Variants in TMEM181 observed in about 807,000 individuals in gnomAD.
TMEM181 encodes transmembrane protein 181, also known as G protein-coupled receptor 178.
In TMEM181, 39 loss-of-function variants were observed where a neutral mutation model predicts 71.9. The ratio of observed to expected loss-of-function variants is 0.54; its 90% CI spans 0.42 to 0.71. TMEM181 has a LOEUF of 0.71. Among genes scored for constraint, TMEM181 ranks in the 30% least tolerant of loss-of-function variants. TMEM181 has a pLI of 0.00. For missense variants in TMEM181, 595 were observed against 583.0 expected (o/e 1.02, Z -0.21); for synonymous variants, 245 against 228.8 (o/e 1.07, Z -0.64).
chr6:158,550,604 C>T (rs1159757513), intron 1 of TMEM181, among the ~76,000 whole-genome samples: 2 of 151,682 alleles, frequency 1.3e-5, no homozygotes, highest in African/African-American at 4.8e-5. Context: ...TGCAATGAGC[C>T]GAGATGGCGC....
At chr6:158,605,131 AGTGTGTG>A (rs1784877538) in intron 6 of TMEM181, 129 bp from the exon 7 acceptor site, 117 of 159,484 alleles carry the variant, frequency 7.3e-4, no homozygotes, top group Middle Eastern at 4.8e-3. Flanking sequence ...AAAAAAAAAA[AGTGTGTG>A]TGTGTGTGTG....
intron 6 of TMEM181, among the ~76,000 whole-genome samples, chr6:158,590,342 G>A (rs138615003): frequency 3.2e-3 from 488 of 151,176 alleles, no homozygotes; most frequent in African/African-American, 0.011. Context: ...TCATAGAGCT[G>A]TGAATATTAA....
chr6:158,612,775 G>A (rs887585710), intron 10 of TMEM181, among the ~76,000 whole-genome samples: 5 of 152,204 alleles, frequency 3.3e-5, no homozygotes, highest in Non-Finnish European at 7.3e-5. Flanking sequence ...CTGCTGTAAG[G>A]ATAGTAATTA....
At chr6:158,552,250 AACCTCCTGCAGTGTGATTGC>A (rs1422800213) in intron 1 of TMEM181, among the ~76,000 whole-genome samples, 1 of 152,318 alleles carries the variant, frequency 6.6e-6, no homozygotes, top group East Asian at 1.9e-4. Context: ...GGTGAAGAAA[AACCTCCTGCAGTGTGATTGC>A]ACCTCCTGCA....
At chr6:158,599,995 G>C (rs1391829124) in intron 6 of TMEM181, among the ~76,000 whole-genome samples, 1 of 152,196 alleles carries the variant, frequency 6.6e-6, no homozygotes, top group Non-Finnish European at 1.5e-5. Context: ...GAGGAAGGAA[G>C]CCCGGATGGA....
exon 1 of TMEM181, chr6:158,536,776 C>A: frequency 6.4e-7 from 1 of 1,573,644 alleles, no homozygotes. Flanking sequence ...CGCTCTGCAG[C>A]GAGCTCAAGC....
At chr6:158,537,469 T>C (rs1331485589) in intron 1 of TMEM181, among the ~76,000 whole-genome samples, 2 of 152,146 alleles carry the variant, frequency 1.3e-5, no homozygotes, top group African/African-American at 2.4e-5. Context: ...CGTTCATCTC[T>C]GTCTCCCTCT....
intron 6 of TMEM181, among the ~76,000 whole-genome samples, chr6:158,598,678 A>C (rs746412013): frequency 7.5e-6 from 1 of 132,734 alleles, no homozygotes; most frequent in East Asian, 2.1e-4. Context: ...TATTTTATTT[A>C]TTTATTTTTT....
Position 158,581,970 on chromosome 6 carries a change from C to T in TMEM181, c.168+975C>T, listed in dbSNP as rs1783508513. 3.3e-5 allele frequency among the ~76,000 whole-genome samples: 5 copies of T among 152,026 alleles called. No homozygotes were observed. The South Asian group carries it at 1.0e-3, about 32-fold the overall frequency. ...GCACCATGATATATATAGTTTAAAT[C>T]TGATTGTATGACCCCAAATCCCCCT... On this transcript the variant is annotated intron_variant, in intron 3 of 16. Coordinates refer to ENST00000684151, the MANE Select transcript of TMEM181 (RefSeq NM_001376852.1).
chr6:158,581,990 C>T (rs892740585), intron 3 of TMEM181, among the ~76,000 whole-genome samples: 3 of 152,024 alleles, frequency 2.0e-5, no homozygotes, highest in African/African-American at 7.3e-5. Context: ...GACCCCAAAT[C>T]CCCCTTCTCT....
chr6:158,571,011 C>T (rs1782776679), intron 1 of TMEM181, among the ~76,000 whole-genome samples: 1 of 151,666 alleles, frequency 6.6e-6, no homozygotes, highest in African/African-American at 2.4e-5. Flanking sequence ...CTCCCTGGTT[C>T]AAGCGATTCT....
intron 6 of TMEM181, among the ~76,000 whole-genome samples, chr6:158,594,498 T>G (rs1350796958): frequency 2.0e-5 from 3 of 152,222 alleles, no homozygotes; most frequent in African/African-American, 7.2e-5. Context: ...TTTTAAGTTT[T>G]CTCTATGGCT....
intron 2 of TMEM181, among the ~76,000 whole-genome samples, chr6:158,579,265 TA>T (rs34507190): frequency 2.4e-3 from 332 of 138,210 alleles, no homozygotes; most frequent in African/African-American, 4.2e-3. Context: ...GTCTCAAAAT[TA>T]AAAAAAAAAA....
intron 10 of TMEM181, among the ~76,000 whole-genome samples, chr6:158,618,353 TCATC>T (rs1478160771): frequency 6.6e-6 from 1 of 152,140 alleles, no homozygotes; most frequent in African/African-American, 2.4e-5. Context: ...TGGTAGATAT[TCATC>T]CATCCCTTTA....
chr6:158,537,517 C>T (rs2128275891), intron 1 of TMEM181, among the ~76,000 whole-genome samples: 1 of 152,338 alleles, frequency 6.6e-6, no homozygotes, highest in African/African-American at 2.4e-5. Flanking sequence ...ACTGCAGACC[C>T]TGGCGCCGGC....
At chr6:158,611,976 A>ACCCCC (rs55849301) in intron 10 of TMEM181, among the ~76,000 whole-genome samples, 41 of 130,242 alleles carry the variant, frequency 3.1e-4, no homozygotes, top group African/African-American at 9.0e-4. Context: ...CTGCAGGGAT[A>ACCCCC]CCCCCCCCAC....
At chr6:158,570,111 C>T (rs1452866552) in intron 1 of TMEM181, among the ~76,000 whole-genome samples, 1 of 151,130 alleles carries the variant, frequency 6.6e-6, no homozygotes, top group Non-Finnish European at 1.5e-5. Flanking sequence ...ACTGTGGCTG[C>T]CCCGGGGGAC....
At chr6:158,586,550 G>A (rs963585578) in intron 5 of TMEM181, among the ~76,000 whole-genome samples, 2 of 152,166 alleles carry the variant, frequency 1.3e-5, no homozygotes, top group African/African-American at 4.8e-5. Context: ...GAGGGCCCAG[G>A]ATTTAAACCT....
intron 14 of TMEM181, among the ~76,000 whole-genome samples, chr6:158,629,074 G>T (rs1184294893): frequency 1.3e-5 from 2 of 152,202 alleles, no homozygotes; most frequent in East Asian, 3.9e-4. Context: ...CAGTGGCGCA[G>T]GGCTGTTGCC....
Sources: gnomAD v4.1 joint callset for allele counts (sites outside exome capture counted in the v4.1 genomes callset) on GRCh38, gnomAD v4.1.1 for gene constraint, MANE v1.5 for transcripts, NCBI Gene and HGNC (gene_info 2026-07-23, HGNC 2026-07-21) for gene names.